TRPC3: variants seen among roughly 807,000 people sequenced by gnomAD.
The protein encoded by TRPC3 is transient receptor potential cation channel subfamily C member 3, also known as short transient receptor potential channel 3.
Under a neutral mutation model 90.9 loss-of-function variants are expected in TRPC3, and 54 were observed. That is an observed-to-expected ratio of 0.59 (90% CI 0.48 to 0.75). The LOEUF (loss-of-function observed/expected upper bound fraction) is 0.75, where lower values mean the gene tolerates loss of function less well. Among genes scored for constraint, TRPC3 ranks in the 30% least tolerant of loss-of-function variants. The pLI, the probability that TRPC3 is intolerant of heterozygous loss-of-function variation, is 0.00. For missense variants in TRPC3, 918 were observed against 1,194.5 expected, an observed-to-expected ratio of 0.77 and a Z score of 3.41; for synonymous variants, 424 against 450.9, an observed-to-expected ratio of 0.94 and a Z score of 0.75.
intron 4 of TRPC3, 90 bp from the exon 5 acceptor site, chr4:121,912,183 A>C: frequency 9.2e-7 from 1 of 1,085,752 alleles, no homozygotes; most frequent in Non-Finnish European, 1.3e-6. Flanking sequence ...AAATAGATGA[A>C]AGGAGAACAC....
chr4:121,888,452 C>T (rs1728207681), intron 10 of TRPC3, among the ~76,000 whole-genome samples: 1 of 151,970 alleles, frequency 6.6e-6, no homozygotes, highest in Non-Finnish European at 1.5e-5. Flanking sequence ...AAAAGTAATT[C>T]TTTAAAGATG....
chr4:121,938,216 C>T (rs1231180026), intron 1 of TRPC3, among the ~76,000 whole-genome samples: 2 of 152,154 alleles, frequency 1.3e-5, no homozygotes, highest in African/African-American at 2.4e-5. Flanking sequence ...CATCCTCTCA[C>T]CTGACCTCAG....
intron 7 of TRPC3, 21 bp from the exon 8 acceptor site, chr4:121,904,538 AAAGT>A (rs1457461901): frequency 6.6e-7 from 1 of 1,507,696 alleles, no homozygotes; most frequent in Non-Finnish European, 8.9e-7. Context: ...AATAAGATAC[AAAGT>A]AAGTAAGTTA....
In TRPC3 at chr4:121,932,808, C is replaced by G. The variant is rs1729994236; in HGVS notation, c.450G>C (p.Ala150=). Residue 150 remains alanine (A), a synonymous_variant, in exon 2 of 12, where the codon GCG becomes GCC. Transcript: ENST00000379645. The surrounding 1 kb of genome is among the most constrained non-coding windows in gnomAD (Gnocchi z 7.7). ...VNCVDYMGQN[A]LQLAVGNEHL... The stretch of plus-strand genomic sequence containing the variant: ...GCTCGTTGCCCACAGCCAGCTGCAG[C>G]GCGTTCTGGCCCATGTAGTCCACGC... The G allele has an allele frequency of 1.9e-6, 3 of 1,609,920 alleles. No homozygotes were observed. The highest frequency in any genetic ancestry group is 2.5e-6 in the Non-Finnish European group (3 of 1,177,244).
intron 1 of TRPC3, among the ~76,000 whole-genome samples, chr4:121,938,017 T>C (rs62321861): frequency 6.7e-6 from 1 of 148,194 alleles, no homozygotes; most frequent in African/African-American, 2.6e-5. Flanking sequence ...TCTGAATTTA[T>C]TTAAAAAAAA....
intron 1 of TRPC3, among the ~76,000 whole-genome samples, chr4:121,935,606 T>C (rs1730104886): frequency 6.6e-6 from 1 of 152,196 alleles, no homozygotes; most frequent in Non-Finnish European, 1.5e-5. Flanking sequence ...ATTGGGTTAA[T>C]ATTTTTATTA....
chr4:121,928,337 G>A (rs1475688793), intron 2 of TRPC3, among the ~76,000 whole-genome samples: 1 of 152,194 alleles, frequency 6.6e-6, no homozygotes, highest in African/African-American at 2.4e-5. Context: ...TTGCCAGAGT[G>A]CAGAAAATAA....
chr4:121,899,544 CACAA>C (rs1182622832), intron 10 of TRPC3, 64 bp downstream of exon 10: 2 of 1,339,750 alleles, frequency 1.5e-6, no homozygotes, highest in South Asian at 1.2e-5. Flanking sequence ...ATGACACACA[CACAA>C]ACACACACGC....
chr4:121,910,405 G>A lies in TRPC3; in HGVS notation c.1559-18C>T. 1 of 1,605,648 alleles carries A rather than the reference G, an allele frequency of 6.2e-7. No homozygotes were observed. Among genetic ancestry groups the A allele is most frequent in the Non-Finnish European group, 8.5e-7 (1 of 1,173,402 alleles). ...CATCATTCCTGTCACAACAAATACA[G>A]AGGGTGCAGGTCAGATTTTACAGGC... is the stretch of plus-strand genomic sequence containing the variant. On this transcript the variant is annotated intron_variant, in intron 5 of 11. Transcript: ENST00000379645.
At chr4:121,942,187 G>A (rs1380296671) in intron 1 of TRPC3, among the ~76,000 whole-genome samples, 1 of 152,180 alleles carries the variant, frequency 6.6e-6, no homozygotes, top group Non-Finnish European at 1.5e-5. Flanking sequence ...AGCCCAGAGA[G>A]ATATTTAGGT....
At chr4:121,947,796 A>AT (rs570828768) in intron 1 of TRPC3, among the ~76,000 whole-genome samples, 8 of 152,048 alleles carry the variant, frequency 5.3e-5, no homozygotes, top group Middle Eastern at 3.2e-3. Flanking sequence ...ACTAAACAGG[A>AT]TTTTTTTTCT....
chr4:121,914,473 C>T (rs140812301), intron 4 of TRPC3, among the ~76,000 whole-genome samples: 28 of 152,338 alleles, frequency 1.8e-4, no homozygotes, highest in African/African-American at 3.6e-4. Flanking sequence ...CTTATTAAGC[C>T]GTCAATAAAA....
intron 2 of TRPC3, among the ~76,000 whole-genome samples, chr4:121,928,920 T>C (rs1293708353): frequency 2.6e-5 from 4 of 152,222 alleles, no homozygotes; most frequent in Non-Finnish European, 4.4e-5. Context: ...GTTATCATAC[T>C]GATTAAAAGC....
chr4:121,896,003 C>A, intron 10 of TRPC3, among the ~76,000 whole-genome samples: 1 of 152,036 alleles, frequency 6.6e-6, no homozygotes, highest in East Asian at 1.9e-4. Flanking sequence ...CCCAGGAATG[C>A]AAGGATGTTT....
intron 1 of TRPC3, among the ~76,000 whole-genome samples, chr4:121,942,455 G>A (rs193262579): frequency 1.2e-4 from 19 of 152,258 alleles, no homozygotes; most frequent in African/African-American, 3.4e-4. Flanking sequence ...CCAGCTACTC[G>A]GGAGGCTGAG....
At chr4:121,943,491 A>C (rs1730387939) in intron 1 of TRPC3, among the ~76,000 whole-genome samples, 1 of 152,160 alleles carries the variant, frequency 6.6e-6, no homozygotes, top group Admixed American at 6.5e-5. Context: ...TAAAATTAAT[A>C]ACCTTTAATA....
chr4:121,921,537 A>AG (rs1729511932), intron 3 of TRPC3, among the ~76,000 whole-genome samples: 1 of 151,530 alleles, frequency 6.6e-6, no homozygotes, highest in East Asian at 1.9e-4. Context: ...AAAAAAAAAA[A>AG]AAAAAAAGAC....
At position 121,876,622 on chromosome 4, in the gene TRPC3, A is replaced by C. The variant is rs1417884029; in HGVS notation, c.*3114T>G. ...GGGTAAGATAGTTATCCTAAATTGT[A>C]CCAAATTTGCTTTTAATAATCACAA... On this transcript the variant is annotated 3_prime_UTR_variant, in exon 12 of 12. Transcript: ENST00000379645. Among the ~76,000 whole-genome samples the C allele has an allele frequency of 6.6e-6, 1 of 152,204 alleles. No individual in the cohort carries two copies. Among genetic ancestry groups the C allele is most frequent in the Non-Finnish European group, 1.5e-5 (1 of 68,032 alleles).
Position 121,925,126 on chromosome 4 carries a change from T to C in TRPC3, c.1068A>G (p.Val356=), listed in dbSNP as rs983412875. 1 of 1,614,200 alleles carries C rather than the reference T, an allele frequency of 6.2e-7. No individual in the cohort carries two copies. The part of the protein sequence containing the change: ...VLDLCRDSEE[V]EAILNGDLES... ...CCAGATCTCCATTCAGAATGGCTTC[T>C]ACCTCTTCTGAGTCTCGGCAGAGAT... The change falls in exon 3 of 12, where the codon GTA becomes GTG. Residue 356 remains valine (V), a synonymous_variant. Transcript: ENST00000379645.
Sources: allele counts gnomAD v4.1 joint callset (sites outside exome capture counted in the v4.1 genomes callset), GRCh38; gene constraint gnomAD v4.1.1; non-coding constraint Gnocchi (gnomAD v3.1); transcripts MANE v1.5; gene names NCBI Gene and HGNC (gene_info 2026-07-23, HGNC 2026-07-21).